Variants in MED23 observed in about 807,000 individuals in gnomAD.
The protein encoded by MED23 is mediator of RNA polymerase II transcription subunit 23.
A neutral mutation model predicts 163.9 loss-of-function variants in MED23; 105 were observed. The observed-to-expected ratio is 0.64, with a 90% CI of 0.55 to 0.75. The LOEUF (loss-of-function observed/expected upper bound fraction) is 0.75. Ranked by LOEUF, MED23 falls within the 30% of genes least tolerant of loss-of-function variation. The pLI is 0.00. For synonymous variants in MED23, 561 were observed against 565.6 expected (o/e 0.99, Z 0.12); for missense variants, 1,054 against 1,649.0 (o/e 0.64, Z 6.25).
At chr6:131,616,911 T>C (rs995612315) in intron 9 of MED23, among the ~76,000 whole-genome samples, 1 of 152,136 alleles carries the variant, frequency 6.6e-6, no homozygotes, top group Admixed American at 6.5e-5. Flanking sequence ...AGGCTGAATA[T>C]TTATTCAATG....
In MED23 at chr6:131,628,074, A is replaced by C. The variant is rs756443631; in HGVS notation, c.-25T>G. On this transcript the variant is annotated 5_prime_UTR_variant, in exon 1 of 29. Coordinates refer to ENST00000368068, the MANE Select transcript of MED23 (RefSeq NM_004830.4). ...TCTGTACTATCACCCCCGCCTTTCC[A>C]GGGTGCCCGGCAAGGCCCGGATCAG... 6.2e-7 allele frequency: 1 copy of C among 1,613,522 alleles called. No individual in the cohort carries two copies. The highest frequency in any genetic ancestry group is 1.3e-5 in the African/African-American group (1 of 74,896).
chr6:131,594,063 A>T lies in MED23; in HGVS notation c.3232+36T>A, dbSNP rs1344236153. The stretch of plus-strand genomic sequence containing the variant: ...TATTCTCATAAATCAAAATACTGTT[A>T]TTTCTGGGAGTCTAAAATCACAATA... On this transcript the variant is annotated intron_variant, in intron 23 of 28. Coordinates refer to ENST00000368068, the MANE Select transcript of MED23 (RefSeq NM_004830.4). 5 of 1,492,590 alleles carry T rather than the reference A, an allele frequency of 3.3e-6. No homozygotes were observed. In the East Asian group the frequency reaches 1.1e-4, roughly 34 times the overall value. The allele number at this position is 1,492,590 out of a possible 1,614,324, so 92.5% of individuals were successfully genotyped here.
chr6:131,584,106 T>A, downstream of MED23: 1 of 622,678 alleles, frequency 1.6e-6, no homozygotes, highest in Non-Finnish European at 2.7e-6. Context: ...TTTAAAAGCT[T>A]ATATTTTCTA....
chr6:131,600,228 T>C (rs1775365007), intron 17 of MED23, 66 bp from the exon 18 acceptor site: 6 of 1,432,174 alleles, frequency 4.2e-6, no homozygotes, highest in East Asian at 2.4e-5. Context: ...TAAAAGATTA[T>C]AGCGAAAATA....
chr6:131,622,767 G>C (rs1324477669), intron 5 of MED23, among the ~76,000 whole-genome samples: 1 of 152,162 alleles, frequency 6.6e-6, no homozygotes, highest in African/African-American at 2.4e-5. Context: ...TTTCAGATTA[G>C]AGAAAATGCA....
rs1424690250 is a variant in MED23, at chr6:131,600,157, A to G, written c.2101T>C (p.Phe701Leu). 6.2e-7 allele frequency: 1 copy of G among 1,607,214 alleles called. No homozygotes were observed. Among genetic ancestry groups the G allele is most frequent in the East Asian group, 2.2e-5 (1 of 44,818 alleles). ...LARATHVTDF[F>L]TGSDSIQGTW... ...CCCTGAATTGAATCAGAGCCTGTAA[A>G]AAAATCTAAACATAAACAAATAGAT... Residue 701 changes from phenylalanine (F) to leucine (L), a missense_variant, in exon 18 of 29, where the codon TTT becomes CTT. Transcript: ENST00000368068.
At chr6:131,612,541 T>C (rs1006074924) in intron 10 of MED23, among the ~76,000 whole-genome samples, 6 of 152,162 alleles carry the variant, frequency 3.9e-5, no homozygotes, top group Non-Finnish European at 8.8e-5. Flanking sequence ...TGTTCACATC[T>C]TGTTTTGTGA....
In MED23 at chr6:131,598,741, A is replaced by G; in HGVS notation, c.2241T>C (p.Asn747=). 2.5e-6 allele frequency: 4 copies of G among 1,614,034 alleles called. No homozygotes were observed. The highest frequency in any genetic ancestry group is 2.5e-6 in the Non-Finnish European group (3 of 1,179,982). The part of the protein sequence containing the change: ...GPLQAFFKQN[N]VPQESRFNLK... ...GATTAAAACGGCTTTCCTGAGGCAC[A>G]TTATTTTGTTTGAAGAATGCCTAAA... is the stretch of plus-strand genomic sequence containing the variant. Residue 747 remains asparagine (N), a synonymous_variant, in exon 19 of 29, where the codon AAT becomes AAC. Transcript: ENST00000368068. The surrounding 1 kb of genome is among the most constrained non-coding windows in gnomAD (Gnocchi z 4.7).
chr6:131,606,669 A>G lies in MED23; in HGVS notation c.1222-45T>C, dbSNP rs768251888. ...AAAATAACACAATAGAAGAAAGAGA[A>G]GAATTAAATAATTATGTGTATTTTA... On this transcript the variant is annotated intron_variant, in intron 12 of 28. Transcript: ENST00000368068. 52 of 1,458,832 alleles carry G rather than the reference A, an allele frequency of 3.6e-5. No homozygotes were observed. The African/African-American group carries it at 6.9e-4, about 19-fold the overall frequency. 90.4% of individuals were successfully genotyped at this position (1,458,832 alleles called of 1,614,324 possible).
intron 30 of MED23, among the ~76,000 whole-genome samples, chr6:131,580,837 G>A (rs1198079056): frequency 6.6e-6 from 1 of 152,194 alleles, no homozygotes; most frequent in Non-Finnish European, 1.5e-5. Context: ...AGAGATGAGT[G>A]TACAGAAAAT....
At position 131,618,523 on chromosome 6, in the gene MED23, T is replaced by C; in HGVS notation, c.668-4A>G. On this transcript the variant is annotated splice_polypyrimidine_tract_variant and splice_region_variant and intron_variant, in intron 8 of 28. Transcript: ENST00000368068. ...ACTGGCAGAAGACTACAGCGACCTG[T>C]ATGTATTACAAAAATGTTTTTAAGT... is the stretch of plus-strand genomic sequence containing the variant. The C allele has an allele frequency of 3.1e-6, 5 of 1,599,060 alleles. No individual in the cohort carries two copies. Among genetic ancestry groups the C allele is most frequent in the Non-Finnish European group, 4.3e-6 (5 of 1,166,486 alleles).
chr6:131,585,289 T>C (rs1441322096), downstream of MED23, among the ~76,000 whole-genome samples: 1 of 152,210 alleles, frequency 6.6e-6, no homozygotes, highest in African/African-American at 2.4e-5. Flanking sequence ...CAGTAATTTA[T>C]GTGAAAACCC....
Position 131,591,542 on chromosome 6 carries a change from G to C in MED23, c.3472-15C>G. The C allele has an allele frequency of 6.4e-7, 1 of 1,568,442 alleles. No homozygotes were observed. Among genetic ancestry groups the C allele is most frequent in the Non-Finnish European group, 8.8e-7 (1 of 1,141,576 alleles). On this transcript the variant is annotated splice_polypyrimidine_tract_variant and intron_variant, in intron 25 of 28. Transcript: ENST00000368068. ...CAATATGGCTCCTTTAAAATCGGAG[G>C]AAAGCTAGTGAAAAATATCACTTAT...
At chr6:131,607,198 T>C (rs543958527) in intron 12 of MED23, among the ~76,000 whole-genome samples, 1 of 151,034 alleles carries the variant, frequency 6.6e-6, no homozygotes, top group East Asian at 2.0e-4. Context: ...GGGTATAACA[T>C]GGTGGGGTTA....
rs562481470 is a variant in MED23, at chr6:131,627,708, T to G, written c.40-36A>C. ...AAAAAAAACAAAATGTAAACAATGT[T>G]AATTTTAAAAAGGCGCCTCCCTTAG... On this transcript the variant is annotated intron_variant, in intron 1 of 28. Coordinates refer to ENST00000368068, the MANE Select transcript of MED23 (RefSeq NM_004830.4). The G allele has an allele frequency of 3.8e-6, 6 of 1,580,464 alleles. No homozygotes were observed. In the East Asian group the frequency reaches 1.3e-4, roughly 35 times the overall value.
chr6:131,618,332 T>C, intron 9 of MED23, 75 bp downstream of exon 9: 1 of 947,932 alleles, frequency 1.1e-6, no homozygotes, highest in Non-Finnish European at 1.7e-6. Context: ...AGCAACAATT[T>C]AGCATCACAT....
chr6:131,597,333 G>A (rs924987461), intron 20 of MED23, among the ~76,000 whole-genome samples: 12 of 151,836 alleles, frequency 7.9e-5, no homozygotes, highest in East Asian at 1.9e-4. Flanking sequence ...AAAATTAGCC[G>A]GGTGTGGTGG....
intron 13 of MED23, among the ~76,000 whole-genome samples, chr6:131,606,185 T>A (rs1775840764): frequency 6.6e-6 from 1 of 152,158 alleles, no homozygotes; most frequent in Non-Finnish European, 1.5e-5. Context: ...TTATAAAAAT[T>A]GATATGCTTT....
intron 30 of MED23, among the ~76,000 whole-genome samples, chr6:131,581,548 T>C (rs1773927231): frequency 6.6e-6 from 1 of 152,262 alleles, no homozygotes; most frequent in Non-Finnish European, 1.5e-5. Flanking sequence ...TGAGGCTCTC[T>C]ATCTCTGCCT....
Sources: allele counts gnomAD v4.1 joint callset (sites outside exome capture counted in the v4.1 genomes callset), GRCh38; gene constraint gnomAD v4.1.1; non-coding constraint Gnocchi (gnomAD v3.1); transcripts MANE v1.5; gene names NCBI Gene and HGNC (gene_info 2026-07-23, HGNC 2026-07-21).